Variants in NIBAN1 observed in about 807,000 individuals in gnomAD.
NIBAN1 encodes protein Niban 1.
A neutral mutation model predicts 75.1 loss-of-function variants in NIBAN1; 81 were observed. The ratio of observed to expected loss-of-function variants is 1.08; its 90% CI spans 0.90 to 1.30. The LOEUF is 1.30. Among genes scored for constraint, NIBAN1 ranks in the 50% most tolerant of loss-of-function variants. NIBAN1 has a pLI of 0.00. For missense variants in NIBAN1, 1,133 were observed against 1,128.1 expected (o/e 1.00, Z -0.06); for synonymous variants, 436 against 424.8 (o/e 1.03, Z -0.32).
chr1:184,839,420 C>G (rs951551880), intron 5 of NIBAN1, among the ~76,000 whole-genome samples: 4 of 151,760 alleles, frequency 2.6e-5, no homozygotes, highest in South Asian at 2.1e-4. Context: ...CTATATACAC[C>G]CTTCACTCGG....
chr1:184,804,949 C>T (rs564956669), intron 11 of NIBAN1, among the ~76,000 whole-genome samples: 35 of 152,118 alleles, frequency 2.3e-4, no homozygotes, highest in South Asian at 6.2e-4. Context: ...CCACCACACC[C>T]GGCTAGTTTT....
intron 1 of NIBAN1, among the ~76,000 whole-genome samples, chr1:184,917,721 G>A (rs111973912): frequency 6.6e-6 from 1 of 151,550 alleles, no homozygotes; most frequent in South Asian, 2.1e-4. Flanking sequence ...AATATTTTTC[G>A]TCCAAACTCA....
At chr1:184,890,811 G>C (rs1557902349) in intron 3 of NIBAN1, among the ~76,000 whole-genome samples, 1 of 152,232 alleles carries the variant, frequency 6.6e-6, no homozygotes, top group African/African-American at 2.4e-5. Flanking sequence ...CAGAACAAAT[G>C]CTGGCCAGCA....
chr1:184,856,798 G>T (rs540448881), intron 5 of NIBAN1, among the ~76,000 whole-genome samples: 9 of 152,202 alleles, frequency 5.9e-5, no homozygotes, highest in African/African-American at 2.2e-4. Context: ...GCAGGTGCCT[G>T]GTAAGTGTTT....
At chr1:184,804,772 GTT>G (rs199598291) in intron 11 of NIBAN1, among the ~76,000 whole-genome samples, 1 of 142,276 alleles carries the variant, frequency 7.0e-6, no homozygotes, top group Non-Finnish European at 1.5e-5. Context: ...CAATATTGGT[GTT>G]TTTTTTTTTG....
chr1:184,951,641 T>A (rs1311237534), intron 1 of NIBAN1, among the ~76,000 whole-genome samples: 1 of 152,098 alleles, frequency 6.6e-6, no homozygotes, highest in Non-Finnish European at 1.5e-5. Flanking sequence ...ACCACCATAA[T>A]CCCTGGCCCG....
intron 6 of NIBAN1, 73 bp downstream of exon 6, chr1:184,831,773 TA>T: frequency 9.5e-7 from 1 of 1,051,888 alleles, no homozygotes; most frequent in Non-Finnish European, 1.5e-6. Flanking sequence ...GATTGTTTAA[TA>T]AAATGACCCT....
At chr1:184,817,996 A>T (rs1166455101) in intron 9 of NIBAN1, among the ~76,000 whole-genome samples, 2 of 152,096 alleles carry the variant, frequency 1.3e-5, no homozygotes, top group Admixed American at 1.3e-4. Context: ...ATGTCACTTG[A>T]TCTTTTTTGT....
intron 5 of NIBAN1, among the ~76,000 whole-genome samples, chr1:184,834,785 T>G (rs927105572): frequency 6.6e-6 from 1 of 152,200 alleles, no homozygotes; most frequent in Non-Finnish European, 1.5e-5. Flanking sequence ...TTGCAAAAAT[T>G]TTCTCCCATT....
intron 5 of NIBAN1, among the ~76,000 whole-genome samples, chr1:184,837,290 A>T (rs141872745): frequency 2.0e-4 from 30 of 152,324 alleles, no homozygotes; most frequent in African/African-American, 7.2e-4. Flanking sequence ...ACTTAGAAAC[A>T]AATGGCAGCT....
intron 2 of NIBAN1, among the ~76,000 whole-genome samples, chr1:184,898,604 C>T (rs531783391): frequency 1.3e-4 from 20 of 152,220 alleles, no homozygotes; most frequent in South Asian, 2.1e-4. Flanking sequence ...CCACAGAGCA[C>T]GACTCTATCT....
Position 184,890,115 on chromosome 1 carries a change from G to T in NIBAN1, c.426C>A (p.Asp142Glu). 6.2e-7 allele frequency: 1 copy of T among 1,612,234 alleles called. No individual in the cohort carries two copies. The highest frequency in any genetic ancestry group is 8.5e-7 in the Non-Finnish European group (1 of 1,178,406). The change falls in exon 4 of 14, where the codon GAC becomes GAA. Residue 142 changes from aspartate to glutamate, a missense_variant. Physicochemically the swap from Asp to Glu is conservative, Grantham distance 45. Coordinates refer to ENST00000367511, the MANE Select transcript of NIBAN1 (RefSeq NM_052966.4). Reference protein sequence around the residue: ...YNLLSDRHFPDPLASSEKENT... With the variant: ...YNLLSDRHFPEPLASSEKENT... Reference sequence around the variant, plus strand: ...GAATGATCAGCAACTCACCAAGAGGGTCTGGGAAATGCCTGTCAGACAACA... The same window carrying T: ...GAATGATCAGCAACTCACCAAGAGGTTCTGGGAAATGCCTGTCAGACAACA...
At chr1:184,878,095 A>G (rs1327528903) in intron 5 of NIBAN1, among the ~76,000 whole-genome samples, 2 of 152,196 alleles carry the variant, frequency 1.3e-5, no homozygotes, top group Non-Finnish European at 2.9e-5. Flanking sequence ...AAAGAGCACC[A>G]TGTTTGATGG....
chr1:184,858,796 G>A (rs1362726951), intron 5 of NIBAN1, among the ~76,000 whole-genome samples: 2 of 152,198 alleles, frequency 1.3e-5, no homozygotes, highest in African/African-American at 4.8e-5. Flanking sequence ...CCATCAGGAA[G>A]AGAATGGTTG....
intron 1 of NIBAN1, among the ~76,000 whole-genome samples, chr1:184,930,664 G>A (rs1657794647): frequency 6.6e-6 from 1 of 152,210 alleles, no homozygotes; most frequent in African/African-American, 2.4e-5. Context: ...GGTACACGTA[G>A]TGGGTAGAAG....
At chr1:184,857,809 T>G (rs1655717481) in intron 5 of NIBAN1, among the ~76,000 whole-genome samples, 1 of 152,116 alleles carries the variant, frequency 6.6e-6, no homozygotes, top group South Asian at 2.1e-4. Flanking sequence ...GTGGGAAGGT[T>G]AGATTATTTA....
At chr1:184,971,202 G>A (rs909897769) in intron 1 of NIBAN1, among the ~76,000 whole-genome samples, 1 of 152,102 alleles carries the variant, frequency 6.6e-6, no homozygotes, top group African/African-American at 2.4e-5. Flanking sequence ...AGGATCACCT[G>A]AGCCAGGGGA....
At chr1:184,845,389 T>A (rs1655409014) in intron 5 of NIBAN1, among the ~76,000 whole-genome samples, 1 of 152,212 alleles carries the variant, frequency 6.6e-6, no homozygotes, top group Admixed American at 6.5e-5. Context: ...AAATAATATT[T>A]TTTTCTTTTC....
At chr1:184,941,781 C>T (rs140566430) in intron 1 of NIBAN1, among the ~76,000 whole-genome samples, 294 of 152,182 alleles carry the variant, frequency 1.9e-3, no homozygotes, top group African/African-American at 6.6e-3. Context: ...TACTAAATGC[C>T]AGTCAGAAGT....
Sources: allele counts gnomAD v4.1 joint callset (sites outside exome capture counted in the v4.1 genomes callset), GRCh38; gene constraint gnomAD v4.1.1; transcripts MANE v1.5; gene names NCBI Gene and HGNC (gene_info 2026-07-23, HGNC 2026-07-21).